The following ASIC1 variants were observed in gnomAD, a reference collection of about 807,000 sequenced individuals.
ASIC1 encodes the protein acid sensing ion channel subunit 1.
A neutral mutation model predicts 63.4 loss-of-function variants in ASIC1; 21 were observed. The ratio of observed to expected loss-of-function variants is 0.33; its 90% CI spans 0.23 to 0.48. The LOEUF (loss-of-function observed/expected upper bound fraction) is 0.48, where lower values mean the gene tolerates loss of function less well. Among genes scored for constraint, ASIC1 ranks in the 20% least tolerant of loss-of-function variants. ASIC1 has a pLI of 0.99. For synonymous variants in ASIC1, 258 were observed against 278.2 expected (o/e 0.93, Z 0.72); for missense variants, 478 against 695.5 (o/e 0.69, Z 3.52).
In ASIC1 at chr12:50,081,083, C is replaced by G. The variant is rs1260443615; in HGVS notation, c.1298-19C>G. 1.9e-6 allele frequency: 3 copies of G among 1,569,208 alleles called. No individual in the cohort carries two copies. The highest frequency in any genetic ancestry group is 1.3e-5 in the African/African-American group (1 of 74,332). ...CGATGTCCTGACCCCACTGACCCCCCTGGCGCCTGCCCCCGCAGGTGACAT... is the reference window on the plus strand; with the variant it reads ...CGATGTCCTGACCCCACTGACCCCCGTGGCGCCTGCCCCCGCAGGTGACAT... On this transcript the variant is annotated intron_variant, in intron 9 of 11. Transcript: ENST00000447966.
chr12:50,064,491 T>G (rs1950528868), intron 3 of ASIC1, among the ~76,000 whole-genome samples: 1 of 152,200 alleles, frequency 6.6e-6, no homozygotes, highest in Non-Finnish European at 1.5e-5. Flanking sequence ...AGCTATCAGC[T>G]AAGAACTACT....
Position 50,081,098 on chromosome 12 carries a change from G to C in ASIC1, c.1298-4G>C, listed in dbSNP as rs1195713722. On this transcript the variant is annotated splice_polypyrimidine_tract_variant and splice_region_variant and intron_variant, in intron 9 of 11. Transcript: ENST00000447966. ...ACTGACCCCCCTGGCGCCTGCCCCCGCAGGTGACATCGGGGGCCAGATGGG... is the reference window on the plus strand; with the variant it reads ...ACTGACCCCCCTGGCGCCTGCCCCCCCAGGTGACATCGGGGGCCAGATGGG... 3 of 1,596,166 alleles carry C rather than the reference G, an allele frequency of 1.9e-6. No homozygotes were observed. Among genetic ancestry groups the C allele is most frequent in the Admixed American group, 3.5e-5 (2 of 56,712 alleles).
intron 1 of ASIC1, 124 bp from the exon 2 acceptor site, chr12:50,058,627 G>T (rs1390796534): frequency 2.4e-6 from 3 of 1,272,736 alleles, no homozygotes; most frequent in Non-Finnish European, 3.2e-6. Context: ...GCAAAGCAGG[G>T]AAGTCTTCTG....
intron 3 of ASIC1, among the ~76,000 whole-genome samples, chr12:50,065,184 C>G (rs1404492774): frequency 6.6e-6 from 1 of 152,188 alleles, no homozygotes; most frequent in Non-Finnish European, 1.5e-5. Flanking sequence ...CCCACCCCCA[C>G]CCCCAAGCTT....
intron 3 of ASIC1, among the ~76,000 whole-genome samples, chr12:50,072,017 ACT>A (rs1163127268): frequency 6.6e-6 from 1 of 152,038 alleles, no homozygotes; most frequent in African/African-American, 2.4e-5. Flanking sequence ...AGAGCTCAAG[ACT>A]CTGCTTCTGA....
chr12:50,069,699 C>CT (rs1187564813), intron 3 of ASIC1, among the ~76,000 whole-genome samples: 4 of 149,994 alleles, frequency 2.7e-5, no homozygotes, highest in African/African-American at 1.0e-4. Flanking sequence ...CTGATAGAGT[C>CT]ATTTTTTTTT....
chr12:50,074,894 GTGTGTGTGTGT>G lies in ASIC1; in HGVS notation c.559-2318_559-2308del, dbSNP rs1480461408. ...TGTGTGTGTGTGTGTGTGTGTGTGTGTGTGTGTGTGTGTCTGAGGGTAAATAACAGGTCTCT... is the reference window on the plus strand; with the variant it reads ...TGTGTGTGTGTGTGTGTGTGTGTGTGGTCTGAGGGTAAATAACAGGTCTCT... On this transcript the variant is annotated intron_variant, in intron 3 of 11. Transcript: ENST00000447966. This position sits in a 1 kb window ranked among gnomAD's most constrained non-coding sequence, Gnocchi z 4.2. Among the ~76,000 whole-genome samples the G allele has an allele frequency of 4.7e-5, 7 of 149,592 alleles. No individual in the cohort carries two copies. The highest frequency in any genetic ancestry group is 1.5e-4 in the African/African-American group (6 of 40,768).
intron 3 of ASIC1, chr12:50,073,793 G>T (rs1565729703): frequency 4.6e-6 from 7 of 1,535,674 alleles, no homozygotes; most frequent in Non-Finnish European, 6.1e-6. Context: ...TTTGCCAACA[G>T]CTGCACCCTC....
chr12:50,071,266 CTTT>C lies in ASIC1; in HGVS notation c.559-5931_559-5929del, dbSNP rs34556615. ...GAGGTGGAGGGTACATTGCTTTCAGCTTTTTTTTTTTTTTTTTTGAGACGGAGT... is the reference window on the plus strand; with the variant it reads ...GAGGTGGAGGGTACATTGCTTTCAGCTTTTTTTTTTTTTTTGAGACGGAGT... On this transcript the variant is annotated intron_variant, in intron 3 of 11. Coordinates refer to ENST00000447966, the MANE Select transcript of ASIC1 (RefSeq NM_001095.4). Among the ~76,000 whole-genome samples, 4 of 119,816 alleles carry C rather than the reference CTTT, an allele frequency of 3.3e-5. 1 individual carries two copies. The highest frequency in any genetic ancestry group is 6.5e-5 in the African/African-American group (2 of 30,750). The allele number at this position is 119,816 out of a possible 152,430, so 78.6% of individuals were successfully genotyped here.
intron 3 of ASIC1, chr12:50,073,640 G>A: frequency 6.5e-7 from 1 of 1,536,160 alleles, no homozygotes; most frequent in Non-Finnish European, 8.7e-7. Flanking sequence ...GAAGCCCCAG[G>A]GCCCTTGGGA....
chr12:50,077,280 C>T lies in ASIC1; in HGVS notation c.626C>T (p.Thr209Ile), dbSNP rs1592277638. The change falls in exon 4 of 12, where the codon ACC becomes ATC. Residue 209 changes from threonine to isoleucine, a missense_variant. This residue lies in a region of ASIC1 where 290 missense variants were observed against 414.9 expected (regional missense o/e 0.70). Coordinates refer to ENST00000447966, the MANE Select transcript of ASIC1 (RefSeq NM_001095.4). ...CGAGATGGGCGGCCGCGGCTGAAGACCATGAAGGGTGGGACGGGCAATGGG... is the reference window on the plus strand; with the variant it reads ...CGAGATGGGCGGCCGCGGCTGAAGATCATGAAGGGTGGGACGGGCAATGGG... ...SGRDGRPRLK[T>I]MKGGTGNGLE... is the part of the protein sequence containing the mutation. 1 of 1,614,118 alleles carries T rather than the reference C, an allele frequency of 6.2e-7. No individual in the cohort carries two copies. Among genetic ancestry groups the T allele is most frequent in the Non-Finnish European group, 8.5e-7 (1 of 1,180,000 alleles).
intron 3 of ASIC1, among the ~76,000 whole-genome samples, chr12:50,063,138 G>T (rs1000640908): frequency 2.6e-5 from 4 of 152,188 alleles, no homozygotes; most frequent in African/African-American, 7.2e-5. Context: ...TGGGGTCCAT[G>T]GCTCCTCTCT....
intron 3 of ASIC1, among the ~76,000 whole-genome samples, chr12:50,068,944 A>G (rs907500104): frequency 6.6e-6 from 1 of 152,080 alleles, no homozygotes; most frequent in African/African-American, 2.4e-5. Context: ...CTGCAGCCAG[A>G]GTGGTCTTTT....
intron 3 of ASIC1, chr12:50,073,838 C>T (rs1161266712): frequency 9.1e-6 from 14 of 1,531,276 alleles, no homozygotes; most frequent in Middle Eastern, 3.4e-4. Flanking sequence ...GAGGGGGGTC[C>T]AGGGCCAAGG....
chr12:50,080,349 T>G, intron 8 of ASIC1, 149 bp from the exon 9 acceptor site: 1 of 840,586 alleles, frequency 1.2e-6, no homozygotes, highest in South Asian at 1.5e-5. Context: ...CCATCTCATT[T>G]AATCCTAAAA....
At chr12:50,063,340 A>G (rs1950517738) in intron 3 of ASIC1, among the ~76,000 whole-genome samples, 1 of 152,180 alleles carries the variant, frequency 6.6e-6, no homozygotes, top group African/African-American at 2.4e-5. Context: ...AATGCTGAGC[A>G]GCAGCAAGGG....
chr12:50,063,373 C>A (rs1950517903), intron 3 of ASIC1, among the ~76,000 whole-genome samples: 1 of 152,194 alleles, frequency 6.6e-6, no homozygotes, highest in African/African-American at 2.4e-5. Flanking sequence ...AGATGGTCAC[C>A]CAGTCTGCCC....
At position 50,077,861 on chromosome 12, in the gene ASIC1, G is replaced by A. The variant is rs1039015640; in HGVS notation, c.710-139G>A. On this transcript the variant is annotated intron_variant, in intron 4 of 11. Coordinates refer to ENST00000447966, the MANE Select transcript of ASIC1 (RefSeq NM_001095.4). ...AACCCAGAAGGAGGCTAGGGGGTGG[G>A]CTAGGACCCTATAGACTTCCCCCAC... 7 of 1,299,508 alleles carry A rather than the reference G, an allele frequency of 5.4e-6. No individual in the cohort carries two copies. In the African/African-American group the frequency reaches 8.9e-5, roughly 17 times the overall value. The allele number at this position is 1,299,508 out of a possible 1,614,324, so 80.5% of individuals were successfully genotyped here.
Position 50,079,000 on chromosome 12 carries a change from G to T in ASIC1, c.1051+20G>T. 1 of 1,612,348 alleles carries T rather than the reference G, an allele frequency of 6.2e-7. No homozygotes were observed. ...CTCTGGGTGAGCGCCCCTGGCCTGG[G>T]GCAGTCTGGGGGAGGGAAAAGGTGC... is the stretch of plus-strand genomic sequence containing the variant. On this transcript the variant is annotated intron_variant, in intron 7 of 11. Coordinates refer to ENST00000447966, the MANE Select transcript of ASIC1 (RefSeq NM_001095.4). This position sits in a 1 kb window ranked among gnomAD's most constrained non-coding sequence, Gnocchi z 6.0.
Sources: allele counts gnomAD v4.1 joint callset (sites outside exome capture counted in the v4.1 genomes callset), GRCh38; gene constraint gnomAD v4.1.1; regional missense constraint gnomAD v4.1.1; non-coding constraint Gnocchi (gnomAD v3.1); transcripts MANE v1.5; gene names NCBI Gene and HGNC (gene_info 2026-07-23, HGNC 2026-07-21).